The following SMAD6 variants were observed in gnomAD, a reference collection of about 807,000 sequenced individuals.
SMAD6 encodes the protein MAD homolog 6.
A neutral mutation model predicts 39.4 loss-of-function variants in SMAD6; 103 were observed. That is an observed-to-expected ratio of 2.62 (90% CI 2.23 to 3.08). The LOEUF is 3.08. Among genes scored for constraint, SMAD6 ranks in the 30% most tolerant of loss-of-function variants. The pLI is 0.00. For missense variants in SMAD6, 1,104 were observed against 742.9 expected, an observed-to-expected ratio of 1.49 and a Z score of -5.65; for synonymous variants, 445 against 353.3, an observed-to-expected ratio of 1.26 and a Z score of -2.91.
chr15:66,710,837 T>A (rs1209828231), intron 1 of SMAD6, among the ~76,000 whole-genome samples: 1 of 152,180 alleles, frequency 6.6e-6, no homozygotes, highest in Admixed American at 6.5e-5. Context: ...GCATCTGAGC[T>A]GTAGAGAGCT....
chr15:66,703,605 T>TGCCC lies in SMAD6; in HGVS notation c.349_352dup (p.Glu118AlafsTer4). On this transcript the variant is annotated frameshift_variant, in exon 1 of 4. Transcript: ENST00000288840. LOFTEE classifies it high-confidence loss of function. Reference sequence around the variant, plus strand: ...GCGGAGCCGGGAGGCCCGGGCTGGCTGCCCGAGAGTGACTGCGAGACGGTG... The same window carrying TGCCC: ...GCGGAGCCGGGAGGCCCGGGCTGGCTGCCCGCCCGAGAGTGACTGCGAGACGGTG... 8.2e-7 allele frequency: 1 copy of TGCCC among 1,226,746 alleles called. No homozygotes were observed. 76.0% of individuals were successfully genotyped at this position (1,226,746 alleles called of 1,614,324 possible). A position where few individuals can be genotyped will look rare whatever the true frequency, so the allele number is the denominator to read the frequency against.
intron 3 of SMAD6, among the ~76,000 whole-genome samples, chr15:66,722,190 C>T (rs893900): frequency 0.52 from 78,970 of 152,096 alleles, 21,143 homozygotes; most frequent in East Asian, 0.8. Context: ...AGACTGATCA[C>T]ACCTGACCAA....
rs1207228157 is a variant in SMAD6, at chr15:66,781,474, C to A, written c.1430C>A (p.Ser477Tyr). 1.2e-6 allele frequency: 2 copies of A among 1,600,224 alleles called. No individual in the cohort carries two copies. The highest frequency in any genetic ancestry group is 1.7e-6 in the Non-Finnish European group (2 of 1,175,606). Reference sequence around the variant, plus strand: ...GCCAAGGGCTGGGGGCCCTGCTACTCCCGGCAGTTCATCACCTCCTGCCCC... The same window carrying A: ...GCCAAGGGCTGGGGGCCCTGCTACTACCGGCAGTTCATCACCTCCTGCCCC... Reference protein sequence around the residue: ...SFAKGWGPCYSRQFITSCPCW... With the variant: ...SFAKGWGPCYYRQFITSCPCW... The change falls in exon 4 of 4, where the codon TCC (serine) becomes TAC (tyrosine). Residue 477 changes from serine (S) to tyrosine (Y), a missense_variant. Coordinates refer to ENST00000288840, the MANE Select transcript of SMAD6 (RefSeq NM_005585.5).
At chr15:66,757,323 A>G (rs1431766305) in intron 3 of SMAD6, among the ~76,000 whole-genome samples, 1 of 152,180 alleles carries the variant, frequency 6.6e-6, no homozygotes, top group Non-Finnish European at 1.5e-5. Flanking sequence ...GGTGTCAGAC[A>G]TAGCAAGAAA....
At chr15:66,736,447 G>A (rs1893713365) in intron 3 of SMAD6, among the ~76,000 whole-genome samples, 1 of 152,116 alleles carries the variant, frequency 6.6e-6, no homozygotes, top group South Asian at 2.1e-4. Context: ...TAGTGAGGTG[G>A]GGCTGACCCC....
chr15:66,717,269 A>C, intron 3 of SMAD6: 1 of 543,940 alleles, frequency 1.8e-6, no homozygotes, highest in Non-Finnish European at 3.3e-6. Flanking sequence ...CTGGGGCTGC[A>C]TACCTTGTGG....
At chr15:66,713,528 C>T (rs1401848899) in intron 2 of SMAD6, among the ~76,000 whole-genome samples, 1 of 152,218 alleles carries the variant, frequency 6.6e-6, no homozygotes, top group Admixed American at 6.5e-5. Flanking sequence ...CCATATTGGC[C>T]AGGCTGGTCT....
At chr15:66,741,411 G>A (rs1267115622) in intron 3 of SMAD6, among the ~76,000 whole-genome samples, 2 of 152,240 alleles carry the variant, frequency 1.3e-5, no homozygotes, top group African/African-American at 2.4e-5. Flanking sequence ...AGGTGGGGAA[G>A]GTTTGTGTTT....
rs1273330088 is a variant in SMAD6, at chr15:66,757,303, G to C, written c.953-23694G>C. ...GTCTCCCTCTGAAGGAGTGAACCTG[G>C]TGTCTAGGGGGTGTCAGACATAGCA... On this transcript the variant is annotated intron_variant, in intron 3 of 3. Transcript: ENST00000288840. Among the ~76,000 whole-genome samples the C allele has an allele frequency of 2.0e-5, 3 of 152,188 alleles. No individual in the cohort carries two copies. The East Asian group carries it at 5.8e-4, about 29-fold the overall frequency.
At position 66,704,026 on chromosome 15, in the gene SMAD6, C is replaced by A; in HGVS notation, c.768C>A (p.Gly256=). Residue 256 remains glycine, a synonymous_variant, in exon 1 of 4, where the codon GGC becomes GGA. Transcript: ENST00000288840. The part of the protein sequence containing the change: ...GCHSFAAAAD[G]PTVCCNPYHF... ...ACAGCTTCGCCGCCGCCGCCGACGG[C>A]CCTACCGTGTGCTGCAACCCCTACC... The A allele has an allele frequency of 6.6e-7, 1 of 1,511,686 alleles. No homozygotes were observed. The highest frequency in any genetic ancestry group is 8.8e-7 in the Non-Finnish European group (1 of 1,139,486). The allele number at this position is 1,511,686 out of a possible 1,614,324, so 93.6% of individuals were successfully genotyped here.
intron 3 of SMAD6, among the ~76,000 whole-genome samples, chr15:66,771,886 G>A (rs1212039928): frequency 6.6e-6 from 1 of 152,178 alleles, no homozygotes; most frequent in Non-Finnish European, 1.5e-5. Context: ...ATGCTTGAGT[G>A]TGGGGGAGAA....
intron 2 of SMAD6, among the ~76,000 whole-genome samples, chr15:66,715,290 A>G (rs1178633484): frequency 1.7e-4 from 9 of 52,998 alleles, no homozygotes; most frequent in Admixed American, 9.7e-4. Flanking sequence ...ACGAGAGAGG[A>G]AAAAAAAAAA....
In SMAD6 at chr15:66,741,907, G is replaced by A. The variant is rs1078406; in HGVS notation, c.952+25409G>A. 1.7e-3 allele frequency among the ~76,000 whole-genome samples: 252 copies of A among 152,292 alleles called. 1 individual carries two copies. The highest frequency in any genetic ancestry group is 5.7e-3 in the African/African-American group (238 of 41,552). On this transcript the variant is annotated intron_variant, in intron 3 of 3. Transcript: ENST00000288840. The stretch of plus-strand genomic sequence containing the variant: ...CAGAGGCTACTGAGGCTGCAAGGCC[G>A]CTCTCCTGGTTGGGGTTCCCTGCTG...
intron 3 of SMAD6, among the ~76,000 whole-genome samples, chr15:66,720,715 C>T (rs959586399): frequency 1.3e-5 from 2 of 152,174 alleles, no homozygotes; most frequent in Non-Finnish European, 2.9e-5. Context: ...ATACTTTACC[C>T]CTGCCAGGGT....
In SMAD6 at chr15:66,766,814, A is replaced by T. The variant is rs905563177; in HGVS notation, c.953-14183A>T. 6.6e-5 allele frequency among the ~76,000 whole-genome samples: 10 copies of T among 152,202 alleles called. No individual in the cohort carries two copies. In the East Asian group the frequency reaches 9.6e-4, roughly 15 times the overall value. ...ATTGCCATCATCGAGTTCAGCCCAG[A>T]TGTCTCCCTGGGACTCTTGTCTTTT... is the stretch of plus-strand genomic sequence containing the variant. On this transcript the variant is annotated intron_variant, in intron 3 of 3. Transcript: ENST00000288840.
intron 3 of SMAD6, among the ~76,000 whole-genome samples, chr15:66,720,516 G>A (rs1264949702): frequency 6.6e-6 from 1 of 152,180 alleles, no homozygotes; most frequent in Non-Finnish European, 1.5e-5. Context: ...ACTCCATGCT[G>A]TGGGGCTGGA....
chr15:66,759,380 C>A (rs1894159953), intron 3 of SMAD6, among the ~76,000 whole-genome samples: 1 of 151,964 alleles, frequency 6.6e-6, no homozygotes, highest in African/African-American at 2.4e-5. Flanking sequence ...AACAACACAG[C>A]AAACTTTTTT....
Position 66,702,305 on chromosome 15 carries a change from C to G in SMAD6, c.-954C>G, listed in dbSNP as rs1892986737. On this transcript the variant is annotated 5_prime_UTR_variant, in exon 1 of 4. Transcript: ENST00000288840. ...GCCCTCAGTGTGCGTTTGAGGAGAA[C>G]AAAAAAGAGAGAGAGAGCCGAGCGG... 1 of 151,570 alleles carries G rather than the reference C, an allele frequency of 6.6e-6. No homozygotes were observed. Among genetic ancestry groups the G allele is most frequent in the South Asian group, 2.1e-4 (1 of 4,790 alleles). 9.4% of individuals were successfully genotyped at this position (151,570 alleles called of 1,614,324 possible). A position where few individuals can be genotyped will look rare whatever the true frequency, so the allele number is the denominator to read the frequency against.
chr15:66,773,807 G>A (rs923474990), intron 3 of SMAD6, among the ~76,000 whole-genome samples: 2 of 152,182 alleles, frequency 1.3e-5, no homozygotes, highest in African/African-American at 4.8e-5. Flanking sequence ...CCCTGGGCAA[G>A]TCACTTAACT....
Sources: allele counts gnomAD v4.1 joint callset (sites outside exome capture counted in the v4.1 genomes callset), GRCh38; gene constraint gnomAD v4.1.1; transcripts MANE v1.5; gene names NCBI Gene and HGNC (gene_info 2026-07-23, HGNC 2026-07-21).